NFASC: variants seen among roughly 807,000 people sequenced by gnomAD.
NFASC encodes neurofascin homolog.
Under a neutral mutation model 147.5 loss-of-function variants are expected in NFASC, and 43 were observed. The observed-to-expected ratio is 0.29, with a 90% CI of 0.23 to 0.38. The LOEUF (loss-of-function observed/expected upper bound fraction) is 0.38. NFASC is among the 10% of genes least tolerant of loss of function. NFASC has a pLI of 1.00. For synonymous variants in NFASC, 622 were observed against 665.5 expected, an observed-to-expected ratio of 0.93 and a Z score of 1.01; for missense variants, 1,320 against 1,689.0, an observed-to-expected ratio of 0.78 and a Z score of 3.83.
rs978930893 is a variant in NFASC at position 204,974,516 on chromosome 1, G to A, written c.1392-141G>A. ...CAGGGCCACCTGGTGGCTAGAGGCA[G>A]ACCCTCCGAGGCTCAGGGCTCCAGT... On this transcript the variant is annotated intron_variant, in intron 13 of 29. Coordinates refer to ENST00000339876, the MANE Select transcript of NFASC (RefSeq NM_001005388.3). The A allele has an allele frequency of 4.2e-5, 45 of 1,061,254 alleles. No homozygotes were observed. In the African/African-American group the frequency reaches 6.2e-4, roughly 15 times the overall value. The allele number at this position is 1,061,254 out of a possible 1,614,324, so 65.7% of individuals were successfully genotyped here. A position where few individuals can be genotyped will look rare whatever the true frequency, so the allele number is the denominator to read the frequency against.
At chr1:204,880,395 G>T (rs2103305266) in intron 1 of NFASC, among the ~76,000 whole-genome samples, 1 of 152,016 alleles carries the variant, frequency 6.6e-6, no homozygotes, top group South Asian at 2.1e-4. Context: ...TCGCTCTGTT[G>T]CCCAGGCTGG....
intron 7 of NFASC, 40 bp from the exon 8 acceptor site, chr1:204,957,616 A>G (rs769650344): frequency 6.2e-7 from 1 of 1,601,362 alleles, no homozygotes; most frequent in South Asian, 1.1e-5. Context: ...GATTACTGTT[A>G]TTACTACTAA....
rs546989212 is a variant in NFASC, at chr1:204,969,869, A to C, written c.1004-747A>C. On this transcript the variant is annotated intron_variant, in intron 10 of 29. Transcript: ENST00000339876. The stretch of plus-strand genomic sequence containing the variant: ...AAGGTGGAAAGATCATGAGGTCAGA[A>C]GATCGAGACCATCCTGGCCAAAATG... Among the ~76,000 whole-genome samples, 3 of 151,972 alleles carry C rather than the reference A, an allele frequency of 2.0e-5. No individual in the cohort carries two copies. The South Asian group carries it at 6.2e-4, about 32-fold the overall frequency.
At chr1:204,867,104 A>C (rs919608867) in intron 1 of NFASC, among the ~76,000 whole-genome samples, 6 of 152,128 alleles carry the variant, frequency 3.9e-5, no homozygotes, top group Non-Finnish European at 7.3e-5. Context: ...CGGATTACTG[A>C]ATGCTGACAA....
chr1:204,923,632 A>G (rs1262322964), intron 2 of NFASC, among the ~76,000 whole-genome samples: 1 of 152,020 alleles, frequency 6.6e-6, no homozygotes, highest in Non-Finnish European at 1.5e-5. Context: ...CAGGACACAC[A>G]ACTGTGGATC....
chr1:204,997,492 G>A, intron 25 of NFASC, 86 bp downstream of exon 25: 1 of 1,468,174 alleles, frequency 6.8e-7, no homozygotes, highest in Non-Finnish European at 9.3e-7. Flanking sequence ...CCCCCAGCGA[G>A]GAGGTGGGGT....
At chr1:204,906,829 A>T (rs538524264) in intron 1 of NFASC, among the ~76,000 whole-genome samples, 1 of 151,740 alleles carries the variant, frequency 6.6e-6, no homozygotes, top group Non-Finnish European at 1.5e-5. Context: ...GACTACAGGC[A>T]CCCGCCACCC....
chr1:204,862,889 C>T (rs2076787407), intron 1 of NFASC, among the ~76,000 whole-genome samples: 1 of 152,170 alleles, frequency 6.6e-6, no homozygotes, highest in East Asian at 1.9e-4. Context: ...CAAGGCTTCC[C>T]TGTAAACTTC....
chr1:204,879,233 T>C (rs79745483), intron 1 of NFASC, among the ~76,000 whole-genome samples: 5,476 of 152,294 alleles, frequency 0.036, 304 homozygotes, highest in African/African-American at 0.12. Context: ...GTTAATCTAC[T>C]CTCAAAAAGT....
At chr1:204,875,224 A>G (rs916042445) in intron 1 of NFASC, among the ~76,000 whole-genome samples, 3 of 152,214 alleles carry the variant, frequency 2.0e-5, no homozygotes, top group Non-Finnish European at 4.4e-5. Flanking sequence ...AACAAATCCA[A>G]ATCTCCTGTT....
intron 1 of NFASC, among the ~76,000 whole-genome samples, chr1:204,860,624 T>C (rs149490046): frequency 3.9e-5 from 6 of 152,252 alleles, no homozygotes; most frequent in African/African-American, 1.2e-4. Flanking sequence ...TTTTAAAGTA[T>C]GCAATTCAGT....
chr1:204,884,855 G>A (rs1342558735), intron 1 of NFASC, among the ~76,000 whole-genome samples: 2 of 152,158 alleles, frequency 1.3e-5, no homozygotes, highest in Non-Finnish European at 2.9e-5. Context: ...TAAAGAGAGT[G>A]CCACACTTCA....
intron 24 of NFASC, chr1:204,993,676 C>T (rs569764933): frequency 8.5e-6 from 4 of 472,614 alleles, no homozygotes; most frequent in Admixed American, 4.5e-5. Context: ...TGTCCTTGGT[C>T]GCCAGGCTGA....
At chr1:204,885,312 C>T (rs2081103793) in intron 1 of NFASC, among the ~76,000 whole-genome samples, 1 of 151,980 alleles carries the variant, frequency 6.6e-6, no homozygotes, top group South Asian at 2.1e-4. Context: ...TTGTTCCAGC[C>T]GTGGGCCAGC....
At chr1:204,839,645 G>A (rs1295640204) in intron 1 of NFASC, among the ~76,000 whole-genome samples, 1 of 152,236 alleles carries the variant, frequency 6.6e-6, no homozygotes, top group East Asian at 1.9e-4. Context: ...CTGTACCGAG[G>A]TAGGGCTGTC....
intron 2 of NFASC, among the ~76,000 whole-genome samples, chr1:204,927,032 G>A (rs913318773): frequency 2.6e-5 from 4 of 152,054 alleles, no homozygotes; most frequent in Admixed American, 1.3e-4. Context: ...CCGAGATGGC[G>A]CCACTGCACT....
At position 204,972,992 on chromosome 1, in the gene NFASC, A is replaced by G. The variant is rs138107589; in HGVS notation, c.1136-284A>G. On this transcript the variant is annotated intron_variant, in intron 11 of 29. Coordinates refer to ENST00000339876, the MANE Select transcript of NFASC (RefSeq NM_001005388.3). ...GAACCAAAACTCCTTTCTGTTTCCA[A>G]AGCTAATGCTCTCAACCACAACTGC... Among the ~76,000 whole-genome samples the G allele has an allele frequency of 8.0e-4, 122 of 152,352 alleles. 2 individuals carry two copies. In the East Asian group the frequency reaches 0.023, roughly 28 times the overall value.
chr1:204,995,533 C>T (rs992609213), intron 24 of NFASC, among the ~76,000 whole-genome samples: 14 of 152,114 alleles, frequency 9.2e-5, no homozygotes, highest in Non-Finnish European at 1.6e-4. Flanking sequence ...GTGGGTTGAC[C>T]GGGGTTTGGG....
chr1:204,936,850 C>T lies in NFASC; in HGVS notation c.-90-7376C>T, dbSNP rs184510550. Among the ~76,000 whole-genome samples, 148 of 152,336 alleles carry T rather than the reference C, an allele frequency of 9.7e-4. 1 individual carries two copies. Among genetic ancestry groups the T allele is most frequent in the Non-Finnish European group, 1.7e-3 (113 of 68,032 alleles). ...CCTTCTTTTGGCCTTCAGAGCTCTCCGTGAGCATGCCCTGGACTCTCTCTC... is the reference window on the plus strand; with the variant it reads ...CCTTCTTTTGGCCTTCAGAGCTCTCTGTGAGCATGCCCTGGACTCTCTCTC... On this transcript the variant is annotated intron_variant, in intron 2 of 29. Coordinates refer to ENST00000339876, the MANE Select transcript of NFASC (RefSeq NM_001005388.3).
Sources: gnomAD v4.1 joint callset for allele counts (sites outside exome capture counted in the v4.1 genomes callset) on GRCh38, gnomAD v4.1.1 for gene constraint, MANE v1.5 for transcripts, NCBI Gene and HGNC (gene_info 2026-07-23, HGNC 2026-07-21) for gene names.